PHACTR1: variants seen among roughly 807,000 people sequenced by gnomAD.
PHACTR1 encodes the protein RPEL repeat containing 1.
A neutral mutation model predicts 69.2 loss-of-function variants in PHACTR1; 16 were observed. The observed-to-expected ratio is 0.23, with a 90% CI of 0.16 to 0.35. The LOEUF (loss-of-function observed/expected upper bound fraction) is 0.35, where lower values mean the gene tolerates loss of function less well. Ranked by LOEUF, PHACTR1 falls within the 10% of genes least tolerant of loss-of-function variation. The pLI is 1.00. For synonymous variants in PHACTR1, 312 were observed against 284.5 expected (o/e 1.10, Z -0.97); for missense variants, 510 against 734.7 (o/e 0.69, Z 3.54).
At chr6:12,819,135 G>A (rs1775919860) in intron 4 of PHACTR1, among the ~76,000 whole-genome samples, 1 of 152,178 alleles carries the variant, frequency 6.6e-6, no homozygotes, top group South Asian at 2.1e-4. Context: ...TGATTAGTGT[G>A]TCTCATCTGC....
intron 4 of PHACTR1, among the ~76,000 whole-genome samples, chr6:12,770,830 T>C (rs9463093): frequency 0.079 from 12,013 of 151,980 alleles, 552 homozygotes; most frequent in Admixed American, 0.11. Flanking sequence ...GCGATAGAAA[T>C]GCAGAGCCTG....
chr6:12,928,203 G>C (rs974749583), intron 4 of PHACTR1, among the ~76,000 whole-genome samples: 9 of 152,172 alleles, frequency 5.9e-5, no homozygotes, highest in African/African-American at 2.2e-4. Flanking sequence ...CACCTCCTGA[G>C]AGAAAGGCCT....
intron 6 of PHACTR1, among the ~76,000 whole-genome samples, chr6:13,178,034 A>G (rs1761630809): frequency 6.6e-6 from 1 of 152,228 alleles, no homozygotes; most frequent in Non-Finnish European, 1.5e-5. Context: ...AGAGGAGAGT[A>G]AGGCTGGCAC....
At chr6:13,281,348 G>T (rs977077113) in intron 12 of PHACTR1, 11 of 337,862 alleles carry the variant, frequency 3.3e-5, no homozygotes. Context: ...GAGATCAGGA[G>T]TTCGAGAGCA....
chr6:12,920,233 G>A (rs1330748381), intron 4 of PHACTR1, among the ~76,000 whole-genome samples: 1 of 152,160 alleles, frequency 6.6e-6, no homozygotes, highest in Non-Finnish European at 1.5e-5. Context: ...ACTTGTTTTT[G>A]TCCTGCCTCC....
intron 5 of PHACTR1, among the ~76,000 whole-genome samples, chr6:13,136,788 G>T (rs185627104): frequency 6.6e-6 from 1 of 152,210 alleles, no homozygotes; most frequent in African/African-American, 2.4e-5. Flanking sequence ...GAGGGAGAAA[G>T]ATAGGAAATG....
At chr6:13,202,757 G>T (rs530944512) in intron 7 of PHACTR1, among the ~76,000 whole-genome samples, 1 of 152,212 alleles carries the variant, frequency 6.6e-6, no homozygotes. Context: ...GATTACAGGC[G>T]TGGGCCACCG....
Position 13,224,603 on chromosome 6 carries a change from A to T in PHACTR1, c.987-3213A>T, listed in dbSNP as rs75318490. Among the ~76,000 whole-genome samples, 335 of 152,230 alleles carry T rather than the reference A, an allele frequency of 2.2e-3. 1 individual carries two copies. Among genetic ancestry groups the T allele is most frequent in the African/African-American group, 7.6e-3 (314 of 41,526 alleles). On this transcript the variant is annotated intron_variant, in intron 8 of 14. Transcript: ENST00000332995. ...AGGTAATAACTATGTTATAAAAAAA[A>T]CTCGTGCTACAGTGACTGATGTTCT...
intron 4 of PHACTR1, among the ~76,000 whole-genome samples, chr6:12,967,600 A>G (rs1416146460): frequency 6.6e-6 from 1 of 152,242 alleles, no homozygotes; most frequent in Non-Finnish European, 1.5e-5. Flanking sequence ...TAAATCCTGC[A>G]TGTGTGTAGA....
chr6:13,085,623 G>A (rs73368182), intron 5 of PHACTR1, among the ~76,000 whole-genome samples: 1,524 of 152,056 alleles, frequency 0.01, 17 homozygotes, highest in African/African-American at 0.034. Flanking sequence ...AAGGATAAAT[G>A]AACAAATCTA....
intron 8 of PHACTR1, among the ~76,000 whole-genome samples, chr6:13,216,585 AT>A (rs1327497428): frequency 6.6e-6 from 1 of 152,218 alleles, no homozygotes; most frequent in Non-Finnish European, 1.5e-5. Flanking sequence ...TATGGTGATG[AT>A]CATCTCTTCA....
At chr6:13,236,319 A>G (rs1771979932) in intron 10 of PHACTR1, among the ~76,000 whole-genome samples, 1 of 152,174 alleles carries the variant, frequency 6.6e-6, no homozygotes. Flanking sequence ...TCAAAGGAAG[A>G]TACTGACTTT....
intron 5 of PHACTR1, among the ~76,000 whole-genome samples, chr6:13,157,776 A>G (rs1199237637): frequency 6.6e-6 from 1 of 152,162 alleles, no homozygotes; most frequent in East Asian, 1.9e-4. Context: ...GCTTTTTGTC[A>G]CCCAAACATC....
At position 13,179,707 on chromosome 6, in the gene PHACTR1, GA is replaced by G. The variant is rs1761925654; in HGVS notation, c.497-2811del. 7.7e-5 allele frequency among the ~76,000 whole-genome samples: 2 copies of G among 26,030 alleles called. No individual in the cohort carries two copies. Among genetic ancestry groups the G allele is most frequent in the African/African-American group, 1.6e-4 (2 of 12,752 alleles). The allele number at this position is 26,030 out of a possible 152,430, so 17.1% of individuals were successfully genotyped here. On this transcript the variant is annotated intron_variant, in intron 6 of 14. Coordinates refer to ENST00000332995, the MANE Select transcript of PHACTR1 (RefSeq NM_030948.6). This position sits in a 1 kb window ranked among gnomAD's most constrained non-coding sequence, Gnocchi z 4.2. ...GTAGATAGATAAGTAGATAGAGATAGATAGATAGATAGATAGATAGATAGAT... is the reference window on the plus strand; with the variant it reads ...GTAGATAGATAAGTAGATAGAGATAGTAGATAGATAGATAGATAGATAGAT...
chr6:13,082,267 A>G (rs1811516928), intron 5 of PHACTR1, among the ~76,000 whole-genome samples: 1 of 152,118 alleles, frequency 6.6e-6, no homozygotes, highest in Non-Finnish European at 1.5e-5. Context: ...AATGGGTATC[A>G]CTTTGCTTAA....
chr6:12,732,207 C>T (rs1278140444), intron 3 of PHACTR1, among the ~76,000 whole-genome samples: 3 of 151,862 alleles, frequency 2.0e-5, no homozygotes, highest in Non-Finnish European at 4.4e-5. Context: ...TATAGGCAAA[C>T]AACAAAACAA....
chr6:12,908,875 T>C (rs555432134), intron 4 of PHACTR1, among the ~76,000 whole-genome samples: 4 of 152,300 alleles, frequency 2.6e-5, no homozygotes, highest in African/African-American at 7.2e-5. Flanking sequence ...GAGAACCGCT[T>C]TCCTGCTAGC....
At chr6:13,078,900 A>G (rs1456732289) in intron 5 of PHACTR1, among the ~76,000 whole-genome samples, 1 of 152,212 alleles carries the variant, frequency 6.6e-6, no homozygotes, top group East Asian at 1.9e-4. Flanking sequence ...GTCCCACCAC[A>G]TTCAGTTCCT....
chr6:13,253,904 G>T (rs1774837712), intron 10 of PHACTR1, among the ~76,000 whole-genome samples: 1 of 152,232 alleles, frequency 6.6e-6, no homozygotes, highest in Non-Finnish European at 1.5e-5. Flanking sequence ...TTTGATAATT[G>T]CAGGACTTGA....
Sources: allele counts gnomAD v4.1 joint callset (sites outside exome capture counted in the v4.1 genomes callset), GRCh38; gene constraint gnomAD v4.1.1; non-coding constraint Gnocchi (gnomAD v3.1); transcripts MANE v1.5; gene names NCBI Gene and HGNC (gene_info 2026-07-23, HGNC 2026-07-21).